Variants in MCOLN3 observed in about 807,000 individuals in gnomAD.
MCOLN3 encodes the protein mucolipin-3.
In MCOLN3, 62 loss-of-function variants were observed where a neutral mutation model predicts 69.4. That is an observed-to-expected ratio of 0.89 (90% CI 0.73 to 1.10). The LOEUF is 1.10. Ranked by LOEUF, MCOLN3 falls within the 50% of genes least tolerant of loss-of-function variation. MCOLN3 has a pLI of 0.00. For missense variants in MCOLN3, 564 were observed against 656.4 expected (o/e 0.86, Z 1.54); for synonymous variants, 183 against 217.0 (o/e 0.84, Z 1.38).
At chr1:85,032,670 C>A (rs748402699) in intron 6 of MCOLN3, 26 bp downstream of exon 6, 10 of 1,561,824 alleles carry the variant, frequency 6.4e-6, no homozygotes, top group Non-Finnish European at 1.8e-6. Flanking sequence ...CAGACTGGAA[C>A]CAAATTCAGC....
intron 4 of MCOLN3, among the ~76,000 whole-genome samples, chr1:85,033,196 C>T (rs1292701241): frequency 6.6e-6 from 1 of 152,126 alleles, no homozygotes; most frequent in Admixed American, 6.5e-5. Flanking sequence ...AAGATCTGAA[C>T]TCTATTTCAT....
In MCOLN3 at chr1:85,029,097, A is replaced by G. The variant is rs763729713; in HGVS notation, c.832+9T>C. The G allele has an allele frequency of 6.6e-6, 10 of 1,518,654 alleles. No homozygotes were observed. Among genetic ancestry groups the G allele is most frequent in the Non-Finnish European group, 8.2e-6 (9 of 1,094,420 alleles). 94.1% of individuals were successfully genotyped at this position (1,518,654 alleles called of 1,614,324 possible). ...ACCATTCTGAAAACTAGTAATGCGCATCACTTACTTGATCCAGATACATGC... is the reference window on the plus strand; with the variant it reads ...ACCATTCTGAAAACTAGTAATGCGCGTCACTTACTTGATCCAGATACATGC... On this transcript the variant is annotated intron_variant, in intron 7 of 12. Transcript: ENST00000370589.
chr1:85,026,756 CAA>C (rs562109815), intron 7 of MCOLN3, among the ~76,000 whole-genome samples: 21 of 93,656 alleles, frequency 2.2e-4, no homozygotes, highest in African/African-American at 2.0e-4. Context: ...GACTCCATCT[CAA>C]AAAAAAAAAA....
intron 1 of MCOLN3, among the ~76,000 whole-genome samples, chr1:85,047,968 G>A (rs1241776973): frequency 1.3e-5 from 2 of 152,196 alleles, no homozygotes; most frequent in Admixed American, 1.3e-4. Flanking sequence ...TCTAACAGGG[G>A]GACAGTCCGC....
intron 12 of MCOLN3, among the ~76,000 whole-genome samples, chr1:85,019,975 G>A (rs1240502649): frequency 6.6e-6 from 1 of 152,218 alleles, no homozygotes; most frequent in Non-Finnish European, 1.5e-5. Flanking sequence ...CCCACGGAAA[G>A]AGGTTAGCGT....
At position 85,040,992 on chromosome 1, in the gene MCOLN3, T is replaced by C. The variant is rs1571121835; in HGVS notation, c.396+18A>G. ...TCTGTTCTTTTTCCCAAGTAAATAATGCACACACTTGATTTACCTGGTTTA... is the reference window on the plus strand; with the variant it reads ...TCTGTTCTTTTTCCCAAGTAAATAACGCACACACTTGATTTACCTGGTTTA... On this transcript the variant is annotated intron_variant, in intron 3 of 12. Transcript: ENST00000370589. 3 of 1,610,654 alleles carry C rather than the reference T, an allele frequency of 1.9e-6. No individual in the cohort carries two copies. The highest frequency in any genetic ancestry group is 2.5e-6 in the Non-Finnish European group (3 of 1,178,964).
chr1:85,022,282 TC>T lies in MCOLN3; in HGVS notation c.1197+16del. 1 of 1,613,610 alleles carries T rather than the reference TC, an allele frequency of 6.2e-7. No homozygotes were observed. The highest frequency in any genetic ancestry group is 8.5e-7 in the Non-Finnish European group (1 of 1,179,572). ...GAGAGAAATACCAACAGCATGGAGA[TC>T]CGTGGAATTCCTTACGTTGTACTTT... On this transcript the variant is annotated intron_variant, in intron 10 of 12. Transcript: ENST00000370589.
chr1:85,039,654 C>T (rs1652963993), intron 3 of MCOLN3, among the ~76,000 whole-genome samples: 1 of 152,076 alleles, frequency 6.6e-6, no homozygotes, highest in Admixed American at 6.6e-5. Flanking sequence ...AAGACTGAGT[C>T]TAGGTCTACG....
chr1:85,040,120 C>T (rs1381000302), intron 3 of MCOLN3, among the ~76,000 whole-genome samples: 1 of 152,156 alleles, frequency 6.6e-6, no homozygotes, highest in East Asian at 1.9e-4. Context: ...CTTCCCCCTA[C>T]AAGCTGTAGG....
At position 85,045,249 on chromosome 1, in the gene MCOLN3, T is replaced by A. The variant is rs576197808; in HGVS notation, c.112A>T (p.Met38Leu). The change falls in exon 2 of 13, where the codon ATG becomes TTG. Residue 38 changes from methionine to leucine, a missense_variant. By Grantham distance (15) the Met-to-Leu change is conservative. Coordinates refer to ENST00000370589, the MANE Select transcript of MCOLN3 (RefSeq NM_018298.11). Reference protein sequence around the residue: ...PSEELLLEDQMRRKLKFFFMN... With the variant: ...PSEELLLEDQLRRKLKFFFMN... ...AAAAAAAATTTGAGTTTTCGCCTCA[T>A]CTGGTCTTCTAATAGAAGCTCCTCA... The A allele has an allele frequency of 2.5e-6, 4 of 1,614,170 alleles. No individual in the cohort carries two copies. In the South Asian group the frequency reaches 4.4e-5, roughly 18 times the overall value.
chr1:85,038,092 G>T (rs1016333351), intron 3 of MCOLN3, among the ~76,000 whole-genome samples: 1 of 152,170 alleles, frequency 6.6e-6, no homozygotes, highest in Non-Finnish European at 1.5e-5. Context: ...ATGATTCCCG[G>T]AAGACCCTGA....
At chr1:85,022,836 G>A (rs1290961882) in intron 9 of MCOLN3, 1 of 171,376 alleles carries the variant, frequency 5.8e-6, no homozygotes, top group East Asian at 1.8e-4. Flanking sequence ...TGGCTGGAGT[G>A]AGCAATAGAA....
At position 85,029,136 on chromosome 1, in the gene MCOLN3, C is replaced by T. The variant is rs138092736; in HGVS notation, c.802G>A (p.Glu268Lys). The T allele has an allele frequency of 3.7e-6, 6 of 1,602,646 alleles. No individual in the cohort carries two copies. Among genetic ancestry groups the T allele is most frequent in the Admixed American group, 1.7e-5 (1 of 59,976 alleles). Residue 268 changes from glutamate to lysine, a missense_variant, in exon 7 of 13, where the codon GAA becomes AAA. Coordinates refer to ENST00000370589, the MANE Select transcript of MCOLN3 (RefSeq NM_018298.11). ...CCAGATACATGCCAGTCTTTACATTCTCTGATGGAAATGTCATTATCTAAA... is the reference window on the plus strand; with the variant it reads ...CCAGATACATGCCAGTCTTTACATTTTCTGATGGAAATGTCATTATCTAAA... ...ISLDNDISIR[E>K]CKDWHVSGSI...
At chr1:85,034,069 T>TGG in intron 4 of MCOLN3, 29 bp downstream of exon 4, 16 of 1,608,128 alleles carry the variant, frequency 9.9e-6, no homozygotes, top group Non-Finnish European at 1.4e-5. Context: ...TGTTAAAAAT[T>TGG]GAGGTTCTAG....
At chr1:85,035,151 C>T (rs974913056) in intron 3 of MCOLN3, among the ~76,000 whole-genome samples, 1 of 152,206 alleles carries the variant, frequency 6.6e-6, no homozygotes, top group Non-Finnish European at 1.5e-5. Context: ...CAGTTGAATG[C>T]TCCTCCTACA....
intron 6 of MCOLN3, among the ~76,000 whole-genome samples, chr1:85,031,421 A>G (rs1041152378): frequency 7.2e-5 from 11 of 152,184 alleles, no homozygotes; most frequent in Non-Finnish European, 1.5e-4. Context: ...AGTGGTAAAT[A>G]TTTGAGGTGG....
chr1:85,047,824 C>T (rs1417325986), intron 1 of MCOLN3, among the ~76,000 whole-genome samples: 1 of 152,228 alleles, frequency 6.6e-6, no homozygotes, highest in Non-Finnish European at 1.5e-5. Flanking sequence ...TGCAGGGTTG[C>T]AGCGATGTCC....
rs183226735 is a variant in MCOLN3, at chr1:85,047,794, T to G, written c.-3+602A>C. ...AACAAGGGTTGACACTTTTGTTGGG[T>G]AGTGTGTGCGAGAAAGATCTGCAGG... On this transcript the variant is annotated intron_variant, in intron 1 of 12. Transcript: ENST00000370589. Among the ~76,000 whole-genome samples the G allele has an allele frequency of 4.2e-3, 645 of 152,298 alleles. 4 individuals carry two copies. Among genetic ancestry groups the G allele is most frequent in the African/African-American group, 0.015 (625 of 41,576 alleles).
chr1:85,045,375 A>T lies in MCOLN3; in HGVS notation c.-2-13T>A, dbSNP rs1255665268. ...GGATCTGCCATCTCTAGAGGAAAAA[A>T]ACAACAACAACAACAACCAACATTT... On this transcript the variant is annotated splice_polypyrimidine_tract_variant and intron_variant, in intron 1 of 12. Transcript: ENST00000370589. 4.3e-6 allele frequency: 6 copies of T among 1,402,804 alleles called. No individual in the cohort carries two copies. The highest frequency in any genetic ancestry group is 5.9e-6 in the Non-Finnish European group (6 of 1,009,952). The allele number at this position is 1,402,804 out of a possible 1,614,324, so 86.9% of individuals were successfully genotyped here.
Sources: allele counts gnomAD v4.1 joint callset (sites outside exome capture counted in the v4.1 genomes callset), GRCh38; gene constraint gnomAD v4.1.1; transcripts MANE v1.5; gene names NCBI Gene and HGNC (gene_info 2026-07-23, HGNC 2026-07-21).